TANC2: variants seen among roughly 807,000 people sequenced by gnomAD.
The protein encoded by TANC2 is tetratricopeptide repeat, ankyrin repeat and coiled-coil containing 2.
In TANC2, 26 loss-of-function variants were observed where a neutral mutation model predicts 210.5. The ratio of observed to expected loss-of-function variants is 0.12; its 90% CI spans 0.09 to 0.17. The LOEUF (loss-of-function observed/expected upper bound fraction) is 0.17. TANC2 is among the 10% of genes least tolerant of loss of function. The pLI is 1.00. For synonymous variants in TANC2, 931 were observed against 967.1 expected, an observed-to-expected ratio of 0.96 and a Z score of 0.69; for missense variants, 2,129 against 2,608.9, an observed-to-expected ratio of 0.82 and a Z score of 4.01.
intron 8 of TANC2, among the ~76,000 whole-genome samples, chr17:63,238,880 C>T (rs968743196): frequency 6.6e-6 from 1 of 152,094 alleles, no homozygotes; most frequent in African/African-American, 2.4e-5. Context: ...TTTAAACCAT[C>T]GGATCTAATG....
At chr17:63,179,467 AATAC>A (rs1167908590) in intron 5 of TANC2, among the ~76,000 whole-genome samples, 1 of 152,236 alleles carries the variant, frequency 6.6e-6, no homozygotes, top group Non-Finnish European at 1.5e-5. Context: ...TAAATGATTT[AATAC>A]ATATAGTGCA....
chr17:63,353,395 G>T (rs752186685), intron 13 of TANC2, among the ~76,000 whole-genome samples: 14 of 152,176 alleles, frequency 9.2e-5, no homozygotes, highest in African/African-American at 3.4e-4. Context: ...GGTAGAGTCA[G>T]TGGTAATGCC....
intron 15 of TANC2, among the ~76,000 whole-genome samples, chr17:63,380,808 C>A (rs1227572393): frequency 6.6e-6 from 1 of 152,214 alleles, no homozygotes; most frequent in African/African-American, 2.4e-5. Context: ...AGAGCCAGAG[C>A]AGCCTGGTCA....
chr17:63,421,662 C>A lies in TANC2; in HGVS notation c.5932C>A (p.Pro1978Thr). The A allele has an allele frequency of 6.8e-6, 11 of 1,614,060 alleles. No homozygotes were observed. Among genetic ancestry groups the A allele is most frequent in the Non-Finnish European group, 9.3e-6 (11 of 1,179,904 alleles). Residue 1978 changes from proline to threonine, a missense_variant, in exon 28 of 28, where the codon CCA (proline) becomes ACA (threonine). Physicochemically the swap from Pro to Thr is conservative, Grantham distance 38. This residue lies in a region of TANC2 where 161 missense variants were observed against 178.6 expected (regional missense o/e 0.90). Transcript: ENST00000689528. This position sits in a 1 kb window ranked among gnomAD's most constrained non-coding sequence, Gnocchi z 6.9. ...GCCTCAGCCTGAGTCCTTCAGTCCA[C>A]CATCATCCATCAGCAACATTGCCTT...
At chr17:63,074,706 G>C (rs183036745) in intron 3 of TANC2, among the ~76,000 whole-genome samples, 1 of 152,212 alleles carries the variant, frequency 6.6e-6, no homozygotes, top group Admixed American at 6.5e-5. Context: ...GTTCACTGCT[G>C]TATCCTTATG....
At chr17:63,208,322 C>A (rs1348850540) in intron 7 of TANC2, among the ~76,000 whole-genome samples, 1 of 152,112 alleles carries the variant, frequency 6.6e-6, no homozygotes, top group Non-Finnish European at 1.5e-5. Flanking sequence ...ATGTCTAGGT[C>A]TTTTTCTGAG....
At chr17:63,358,976 TTGTGTGTGTGTG>T (rs34338483) in intron 14 of TANC2, among the ~76,000 whole-genome samples, 25 of 147,918 alleles carry the variant, frequency 1.7e-4, no homozygotes, top group Non-Finnish European at 3.1e-4. Context: ...AGATTAATAT[TTGTGTGTGTGTG>T]TGTGTGTGTG....
chr17:63,169,816 A>T (rs182874004), intron 5 of TANC2, among the ~76,000 whole-genome samples: 41 of 151,536 alleles, frequency 2.7e-4, no homozygotes, highest in East Asian at 1.2e-3. Flanking sequence ...CCATCTCAAA[A>T]AATAATAATA....
At chr17:63,078,588 C>G (rs1392624401) in intron 3 of TANC2, among the ~76,000 whole-genome samples, 5 of 152,082 alleles carry the variant, frequency 3.3e-5, no homozygotes, top group Admixed American at 1.3e-4. Context: ...TACATAGATT[C>G]TGATAAGTAG....
chr17:62,989,639 C>T (rs996366335), intron 1 of TANC2, among the ~76,000 whole-genome samples: 9 of 151,788 alleles, frequency 5.9e-5, no homozygotes, highest in East Asian at 1.9e-4. Flanking sequence ...ACTGAACTGG[C>T]GACAAAAGAA....
intron 7 of TANC2, among the ~76,000 whole-genome samples, chr17:63,205,868 A>G (rs1448113719): frequency 6.6e-6 from 1 of 152,136 alleles, no homozygotes; most frequent in Non-Finnish European, 1.5e-5. Flanking sequence ...AGATCACACC[A>G]CTGCACTCCA....
At chr17:63,350,352 C>G (rs993057479) in intron 12 of TANC2, among the ~76,000 whole-genome samples, 1 of 152,196 alleles carries the variant, frequency 6.6e-6, no homozygotes, top group East Asian at 1.9e-4. Flanking sequence ...TAACAAATAA[C>G]TTTTATTTGT....
intron 9 of TANC2, among the ~76,000 whole-genome samples, chr17:63,273,787 A>T (rs771213840): frequency 5.9e-5 from 9 of 152,212 alleles, no homozygotes; most frequent in African/African-American, 2.2e-4. Flanking sequence ...TCCTGGGACC[A>T]GCAGGAGTGG....
chr17:63,333,778 A>T (rs967685443), intron 11 of TANC2, among the ~76,000 whole-genome samples: 3 of 152,120 alleles, frequency 2.0e-5, no homozygotes, highest in Admixed American at 1.3e-4. Flanking sequence ...TGCCACAGTC[A>T]CCCATCCTTC....
intron 2 of TANC2, among the ~76,000 whole-genome samples, chr17:63,062,856 C>A (rs1023905854): frequency 1.3e-5 from 2 of 152,098 alleles, no homozygotes; most frequent in Non-Finnish European, 2.9e-5. Context: ...TTTTCCCCAC[C>A]ACGCAATTCT....
At chr17:63,237,757 G>A in intron 7 of TANC2, 57 bp from the exon 8 acceptor site, 1 of 1,451,502 alleles carries the variant, frequency 6.9e-7, no homozygotes, top group Non-Finnish European at 9.1e-7. Context: ...CTTTGTCAAA[G>A]ATTAATAACT....
In TANC2 at chr17:63,151,396, A is replaced by G; in HGVS notation, c.433+16A>G. On this transcript the variant is annotated intron_variant, in intron 5 of 27. Coordinates refer to ENST00000689528, the Ensembl canonical transcript of TANC2. Reference sequence around the variant, plus strand: ...TACTGCCCTGGTAAGCATGCATGCAAAGTGTCTGCTTTGAAAGAGGGAGGA... The same window carrying G: ...TACTGCCCTGGTAAGCATGCATGCAGAGTGTCTGCTTTGAAAGAGGGAGGA... 1 of 976,750 alleles carries G rather than the reference A, an allele frequency of 1.0e-6. No homozygotes were observed. The highest frequency in any genetic ancestry group is 1.7e-5 in the African/African-American group (1 of 57,152). The allele number at this position is 976,750 out of a possible 1,614,324, so 60.5% of individuals were successfully genotyped here.
intron 4 of TANC2, among the ~76,000 whole-genome samples, chr17:63,107,584 A>T (rs964088567): frequency 6.6e-6 from 1 of 151,736 alleles, no homozygotes; most frequent in Non-Finnish European, 1.5e-5. Flanking sequence ...AAACAGTTTG[A>T]TGTTCATCAG....
At chr17:63,259,139 A>G (rs145751804) in intron 8 of TANC2, among the ~76,000 whole-genome samples, 216 of 152,238 alleles carry the variant, frequency 1.4e-3, no homozygotes, top group African/African-American at 5.2e-3. Flanking sequence ...AGGGCCCGAA[A>G]TAGGGGCCCC....
Sources: allele counts gnomAD v4.1 joint callset (sites outside exome capture counted in the v4.1 genomes callset), GRCh38; gene constraint gnomAD v4.1.1; regional missense constraint gnomAD v4.1.1; non-coding constraint Gnocchi (gnomAD v3.1); transcripts MANE v1.5; gene names NCBI Gene and HGNC (gene_info 2026-07-23, HGNC 2026-07-21).